Variants in SH3RF3 observed in about 807,000 individuals in gnomAD.
SH3RF3 encodes E3 ubiquitin-protein ligase SH3RF3.
SH3RF3 carries 29 observed loss-of-function variants against 66.3 expected under a neutral mutation model. The ratio of observed to expected loss-of-function variants is 0.44; its 90% CI spans 0.33 to 0.60. The LOEUF (loss-of-function observed/expected upper bound fraction) is 0.60. Among genes scored for constraint, SH3RF3 ranks in the 20% least tolerant of loss-of-function variants. SH3RF3 has a pLI of 0.04. For synonymous variants in SH3RF3, 583 were observed against 532.0 expected (o/e 1.10, Z -1.32); for missense variants, 1,194 against 1,190.9 (o/e 1.00, Z -0.04).
chr2:109,380,515 G>C lies in SH3RF3; in HGVS notation c.945+8834G>C, dbSNP rs181701090. Among the ~76,000 whole-genome samples the C allele has an allele frequency of 2.0e-3, 306 of 152,334 alleles. 1 individual carries two copies. The highest frequency in any genetic ancestry group is 5.2e-3 in the South Asian group (25 of 4,830). On this transcript the variant is annotated intron_variant, in intron 3 of 9. Coordinates refer to ENST00000309415, the MANE Select transcript of SH3RF3 (RefSeq NM_001099289.3). ...TCTCTAAATGGGTCTAAGCTGGGAA[G>C]CTTGCAGCAGTTCTTGTATATCTGT...
chr2:109,266,268 ATG>A (rs1558990951), intron 1 of SH3RF3, among the ~76,000 whole-genome samples: 1 of 149,846 alleles, frequency 6.7e-6, no homozygotes, highest in African/African-American at 2.5e-5. Context: ...TTGTGCGTGC[ATG>A]TGTTATTTGC....
chr2:109,397,616 G>A lies in SH3RF3; in HGVS notation c.946-974G>A, dbSNP rs146514313. ...GGGGACACTGTCACTCACAGATGGT[G>A]AACTGACCTAACTGAGGCCCTGAGG... On this transcript the variant is annotated intron_variant, in intron 3 of 9. Coordinates refer to ENST00000309415, the MANE Select transcript of SH3RF3 (RefSeq NM_001099289.3). 5.3e-5 allele frequency among the ~76,000 whole-genome samples: 8 copies of A among 152,300 alleles called. No homozygotes were observed. The East Asian group carries it at 1.6e-3, about 30-fold the overall frequency.
chr2:109,283,238 T>C (rs1328863888), intron 1 of SH3RF3, among the ~76,000 whole-genome samples: 1 of 152,198 alleles, frequency 6.6e-6, no homozygotes, highest in African/African-American at 2.4e-5. Flanking sequence ...TCTCCCGCTC[T>C]GGGTGCTTGG....
intron 1 of SH3RF3, among the ~76,000 whole-genome samples, chr2:109,210,909 C>T (rs947403883): frequency 6.6e-6 from 1 of 152,194 alleles, no homozygotes; most frequent in Non-Finnish European, 1.5e-5. Context: ...CCACTTGACA[C>T]GTGGTGGAAT....
intron 6 of SH3RF3, among the ~76,000 whole-genome samples, chr2:109,433,828 G>A (rs1405142245): frequency 6.6e-6 from 1 of 152,224 alleles, no homozygotes; most frequent in Non-Finnish European, 1.5e-5. Context: ...TCGCTCAGGT[G>A]ATGCTCAGCA....
chr2:109,177,695 ACT>A (rs1205597218), intron 1 of SH3RF3, among the ~76,000 whole-genome samples: 1 of 151,892 alleles, frequency 6.6e-6, no homozygotes, highest in Non-Finnish European at 1.5e-5. Context: ...TAATCTAAAA[ACT>A]CTGAATAACT....
chr2:109,413,249 G>A (rs1309471295), intron 4 of SH3RF3, among the ~76,000 whole-genome samples: 2 of 152,144 alleles, frequency 1.3e-5, no homozygotes, highest in African/African-American at 4.8e-5. Context: ...CAAGTAACTG[G>A]GATTACAGGT....
At chr2:109,395,922 G>C (rs370556054) in intron 3 of SH3RF3, among the ~76,000 whole-genome samples, 1 of 152,228 alleles carries the variant, frequency 6.6e-6, no homozygotes, top group Non-Finnish European at 1.5e-5. Context: ...GGTCACAGGA[G>C]GACTAAGTGA....
chr2:109,489,280 G>C (rs762217164), intron 8 of SH3RF3, among the ~76,000 whole-genome samples: 23 of 152,250 alleles, frequency 1.5e-4, no homozygotes, highest in Non-Finnish European at 2.6e-4. Context: ...ACCTTATCGG[G>C]TGGAGACCCT....
intron 3 of SH3RF3, among the ~76,000 whole-genome samples, chr2:109,376,078 C>T (rs1397517103): frequency 6.6e-6 from 1 of 152,220 alleles, no homozygotes; most frequent in South Asian, 2.1e-4. Flanking sequence ...CTGGGGTAGG[C>T]AGAGAGCACT....
intron 1 of SH3RF3, among the ~76,000 whole-genome samples, chr2:109,222,836 TCAGC>T (rs1209977762): frequency 1.3e-5 from 2 of 152,270 alleles, no homozygotes; most frequent in African/African-American, 4.8e-5. Flanking sequence ...TTTCCAGTTC[TCAGC>T]CAGCAGCGCA....
intron 3 of SH3RF3, among the ~76,000 whole-genome samples, chr2:109,396,270 C>T (rs1382318253): frequency 6.6e-6 from 1 of 152,124 alleles, no homozygotes; most frequent in Non-Finnish European, 1.5e-5. Context: ...ATGAATACAG[C>T]CATAAAATAG....
intron 3 of SH3RF3, among the ~76,000 whole-genome samples, chr2:109,389,042 A>G (rs1212735280): frequency 6.6e-6 from 1 of 152,234 alleles, no homozygotes; most frequent in Non-Finnish European, 1.5e-5. Context: ...CATCACATGC[A>G]GCATCATAGG....
intron 1 of SH3RF3, among the ~76,000 whole-genome samples, chr2:109,155,251 G>T (rs558716099): frequency 6.6e-6 from 1 of 152,324 alleles, no homozygotes; most frequent in East Asian, 1.9e-4. Context: ...TATAGTATTT[G>T]TGGAATAATT....
chr2:109,316,682 G>C (rs182104173), intron 1 of SH3RF3, among the ~76,000 whole-genome samples: 3 of 152,246 alleles, frequency 2.0e-5, no homozygotes, highest in Non-Finnish European at 4.4e-5. Flanking sequence ...GTCACATTAG[G>C]GTTTACTCTT....
At chr2:109,401,722 G>A (rs553892366) in intron 4 of SH3RF3, among the ~76,000 whole-genome samples, 52 of 152,274 alleles carry the variant, frequency 3.4e-4, no homozygotes, top group Non-Finnish European at 6.5e-4. Flanking sequence ...TACAGGATCC[G>A]GTTTCCTCTC....
At chr2:109,294,103 G>A (rs1170040552) in intron 1 of SH3RF3, among the ~76,000 whole-genome samples, 1 of 152,134 alleles carries the variant, frequency 6.6e-6, no homozygotes, top group Admixed American at 6.5e-5. Flanking sequence ...CTCTGTTGTG[G>A]TTTATGATTG....
At chr2:109,337,902 AT>A (rs1041920796) in intron 1 of SH3RF3, among the ~76,000 whole-genome samples, 7 of 146,694 alleles carry the variant, frequency 4.8e-5, no homozygotes, top group South Asian at 2.2e-4. Context: ...TAATTTTTGT[AT>A]TTTTTTTTTG....
intron 5 of SH3RF3, among the ~76,000 whole-genome samples, chr2:109,423,744 C>T (rs1413920108): frequency 3.3e-5 from 5 of 152,178 alleles, no homozygotes; most frequent in African/African-American, 9.7e-5. Flanking sequence ...CATGGTCACC[C>T]CTTCCAGGCA....
Sources: gnomAD v4.1 joint callset for allele counts (sites outside exome capture counted in the v4.1 genomes callset) on GRCh38, gnomAD v4.1.1 for gene constraint, MANE v1.5 for transcripts, NCBI Gene and HGNC (gene_info 2026-07-23, HGNC 2026-07-21) for gene names.